The following DSCAM variants were observed in gnomAD, a reference collection of about 807,000 sequenced individuals.
DSCAM encodes cell adhesion molecule DSCAM.
Under a neutral mutation model 217.7 loss-of-function variants are expected in DSCAM, and 47 were observed. The observed-to-expected ratio is 0.22, with a 90% CI of 0.17 to 0.28. DSCAM has a LOEUF of 0.28. Among genes scored for constraint, DSCAM ranks in the 10% least tolerant of loss-of-function variants. The probability of loss-of-function intolerance (pLI) is 1.00; values close to 1 mark genes in which losing one functional copy is unlikely to be tolerated. For synonymous variants in DSCAM, 1,056 were observed against 1,015.3 expected, an observed-to-expected ratio of 1.04 and a Z score of -0.76; for missense variants, 2,080 against 2,618.3, an observed-to-expected ratio of 0.79 and a Z score of 4.49.
intron 3 of DSCAM, among the ~76,000 whole-genome samples, chr21:40,560,299 G>C (rs1160493279): frequency 6.6e-6 from 1 of 152,188 alleles, no homozygotes; most frequent in Non-Finnish European, 1.5e-5. Context: ...CTCAGACAGA[G>C]GCTGGAAGAT....
chr21:40,435,060 T>C (rs1043500566), intron 3 of DSCAM, among the ~76,000 whole-genome samples: 2 of 152,154 alleles, frequency 1.3e-5, no homozygotes, highest in Non-Finnish European at 2.9e-5. Context: ...CGATCAGTGA[T>C]AGACAAATGG....
intron 14 of DSCAM, among the ~76,000 whole-genome samples, chr21:40,182,617 C>T (rs1162629516): frequency 8.4e-4 from 69 of 82,474 alleles, no homozygotes; most frequent in Admixed American, 2.8e-3. Flanking sequence ...GTGGACAGAA[C>T]GGGCCACCAG....
At chr21:40,264,004 T>G (rs1207471923) in intron 11 of DSCAM, among the ~76,000 whole-genome samples, 1 of 151,446 alleles carries the variant, frequency 6.6e-6, no homozygotes, top group East Asian at 1.9e-4. Context: ...AAATCAGGAA[T>G]AAATAGAAAT....
chr21:40,382,605 G>A (rs539086163), intron 3 of DSCAM, among the ~76,000 whole-genome samples: 48 of 152,330 alleles, frequency 3.2e-4, no homozygotes, highest in Middle Eastern at 3.4e-3. Flanking sequence ...AAATGTACAT[G>A]CAAATATGTA....
At chr21:40,138,670 T>G (rs2090245632) in intron 18 of DSCAM, among the ~76,000 whole-genome samples, 1 of 128,526 alleles carries the variant, frequency 7.8e-6, no homozygotes, top group African/African-American at 3.0e-5. Context: ...TGGTGTGATA[T>G]GTGGTGTATG....
chr21:40,497,525 A>G (rs1468989762), intron 3 of DSCAM, among the ~76,000 whole-genome samples: 1 of 152,166 alleles, frequency 6.6e-6, no homozygotes, highest in Non-Finnish European at 1.5e-5. Flanking sequence ...AGTCAGACAG[A>G]AAGAATAAGT....
At chr21:40,152,714 G>A (rs1397361062) in intron 16 of DSCAM, among the ~76,000 whole-genome samples, 2 of 152,200 alleles carry the variant, frequency 1.3e-5, no homozygotes, top group South Asian at 2.1e-4. Flanking sequence ...TCAATCAGTC[G>A]GCTGCAAGCC....
Position 40,353,517 on chromosome 21 carries a change from T to C in DSCAM, c.882A>G (p.Glu294=). 1 of 1,612,482 alleles carries C rather than the reference T, an allele frequency of 6.2e-7. No homozygotes were observed. Among genetic ancestry groups the C allele is most frequent in the East Asian group, 2.2e-5 (1 of 44,812 alleles). The part of the protein sequence containing the change: ...RPSDSGSYVC[E]VSNRYGTAKV... ...TAGCAGTTCCGTATCTGTTGGACAC[T>C]TCACAAACATAGCTGCCTGAGTCCG... Residue 294 remains glutamate, a synonymous_variant, in exon 5 of 33, where the codon GAA becomes GAG. Coordinates refer to ENST00000400454, the MANE Select transcript of DSCAM (RefSeq NM_001389.5).
chr21:40,729,178 C>T (rs1471367687), intron 1 of DSCAM, among the ~76,000 whole-genome samples: 2 of 152,210 alleles, frequency 1.3e-5, no homozygotes, highest in Non-Finnish European at 2.9e-5. Context: ...CCTCAAACTA[C>T]ACCTCACAGG....
At chr21:40,582,406 A>G (rs1188534725) in intron 3 of DSCAM, among the ~76,000 whole-genome samples, 1 of 152,258 alleles carries the variant, frequency 6.6e-6, no homozygotes, top group Non-Finnish European at 1.5e-5. Context: ...ACATACTCAC[A>G]TACACAGAAA....
At position 40,324,259 on chromosome 21, in the gene DSCAM, G is replaced by GA. The variant is rs375446409; in HGVS notation, c.1784-11901dup. Among the ~76,000 whole-genome samples, 301 of 151,458 alleles carry GA rather than the reference G, an allele frequency of 2.0e-3. 2 individuals are homozygous for GA. The highest frequency in any genetic ancestry group is 7.0e-3 in the African/African-American group (287 of 41,270). ...AATAATTAAAATGTTTTAGGAACAA[G>GA]AAAAAGATATCCCAAGGCATAAAGT... On this transcript the variant is annotated intron_variant, in intron 8 of 32. Transcript: ENST00000400454.
At chr21:40,146,313 G>T (rs1408385154) in intron 16 of DSCAM, among the ~76,000 whole-genome samples, 1 of 152,132 alleles carries the variant, frequency 6.6e-6, no homozygotes, top group African/African-American at 2.4e-5. Flanking sequence ...GGAGGATGGG[G>T]TGAGTGGAGC....
chr21:40,629,060 TA>T (rs1471203118), intron 3 of DSCAM, among the ~76,000 whole-genome samples: 9 of 149,476 alleles, frequency 6.0e-5, no homozygotes, highest in African/African-American at 1.7e-4. Flanking sequence ...TATGTGTGTG[TA>T]GTATGTGTGT....
At chr21:40,690,531 T>A (rs1374360305) in intron 3 of DSCAM, among the ~76,000 whole-genome samples, 1 of 152,216 alleles carries the variant, frequency 6.6e-6, no homozygotes, top group Non-Finnish European at 1.5e-5. Flanking sequence ...CAAGCACTTC[T>A]CCAAAACTTT....
At chr21:40,734,612 T>C (rs1460587853) in intron 1 of DSCAM, among the ~76,000 whole-genome samples, 1 of 152,180 alleles carries the variant, frequency 6.6e-6, no homozygotes, top group African/African-American at 2.4e-5. Flanking sequence ...GTAAATCCAA[T>C]TGTCGGAGAG....
At chr21:40,023,316 C>T (rs1360162383) in intron 32 of DSCAM, among the ~76,000 whole-genome samples, 1 of 152,070 alleles carries the variant, frequency 6.6e-6, no homozygotes, top group Non-Finnish European at 1.5e-5. Flanking sequence ...GTGAATAATG[C>T]CGCAATAAAC....
rs768696185 is a variant in DSCAM, at chr21:40,075,101, C to T, written c.4824G>A (p.Leu1608=). ...GCACAACCAGCAGGAGCACAAACAGCAGCAAGACCCCCACCAGGATACAGG... is the reference window on the plus strand; with the variant it reads ...GCACAACCAGCAGGAGCACAAACAGTAGCAAGACCCCCACCAGGATACAGG... ...TISCILVGVL[L]LFVLLLVVRR... Residue 1608 remains leucine (L), a synonymous_variant, in exon 27 of 33, where the codon CTG becomes CTA. Transcript: ENST00000400454. The T allele has an allele frequency of 1.4e-5, 22 of 1,614,068 alleles. No individual in the cohort carries two copies. The highest frequency in any genetic ancestry group is 1.9e-5 in the Non-Finnish European group (22 of 1,180,026).
chr21:40,573,654 TA>T (rs1267620271), intron 3 of DSCAM, among the ~76,000 whole-genome samples: 1 of 151,702 alleles, frequency 6.6e-6, no homozygotes, highest in Non-Finnish European at 1.5e-5. Context: ...AAGGAAATAA[TA>T]AAAACAGCAG....
chr21:40,632,826 T>G (rs138728015), intron 3 of DSCAM, among the ~76,000 whole-genome samples: 1 of 152,214 alleles, frequency 6.6e-6, no homozygotes, highest in Non-Finnish European at 1.5e-5. Context: ...AATGGAAAGA[T>G]GGACGTGACC....
Sources: allele counts gnomAD v4.1 joint callset (sites outside exome capture counted in the v4.1 genomes callset), GRCh38; gene constraint gnomAD v4.1.1; transcripts MANE v1.5; gene names NCBI Gene and HGNC (gene_info 2026-07-23, HGNC 2026-07-21).